Variants in RFX1 observed in about 807,000 individuals in gnomAD.
RFX1 encodes regulatory factor X1.
In RFX1, 42 loss-of-function variants were observed where a neutral mutation model predicts 119.6. The observed-to-expected ratio is 0.35, with a 90% CI of 0.27 to 0.45. The LOEUF (loss-of-function observed/expected upper bound fraction) is 0.45, where lower values mean the gene tolerates loss of function less well. Ranked by LOEUF, RFX1 falls within the 20% of genes least tolerant of loss-of-function variation. The pLI, the probability that RFX1 is intolerant of heterozygous loss-of-function variation, is 1.00. For missense variants in RFX1, 1,118 were observed against 1,368.1 expected, an observed-to-expected ratio of 0.82 and a Z score of 2.88; for synonymous variants, 628 against 618.5, an observed-to-expected ratio of 1.02 and a Z score of -0.23.
chr19:13,991,751 T>TC (rs142839539), intron 2 of RFX1, among the ~76,000 whole-genome samples: 9,480 of 152,086 alleles, frequency 0.062, 1,007 homozygotes, highest in African/African-American at 0.21. Context: ...AACCTCTGCC[T>TC]CCGGGTTCAA....
rs1341718551 is a variant in RFX1 at position 13,962,029 on chromosome 19, C to G, written c.*666G>C. 6.6e-6 allele frequency: 1 copy of G among 152,246 alleles called. No individual in the cohort carries two copies. Among genetic ancestry groups the G allele is most frequent in the Non-Finnish European group, 1.5e-5 (1 of 68,078 alleles). 9.4% of individuals were successfully genotyped at this position (152,246 alleles called of 1,614,324 possible). Reference sequence around the variant, plus strand: ...GTGGGCACTCCCCGGCTCCGCGGCTCGCTGCTCTTTGGAAGCTGGAGGCCG... The same window carrying G: ...GTGGGCACTCCCCGGCTCCGCGGCTGGCTGCTCTTTGGAAGCTGGAGGCCG... On this transcript the variant is annotated 3_prime_UTR_variant, in exon 21 of 21. Coordinates refer to ENST00000254325, the MANE Select transcript of RFX1 (RefSeq NM_002918.5).
At chr19:14,000,507 TCTC>T (rs1203634278) in intron 1 of RFX1, among the ~76,000 whole-genome samples, 1 of 151,748 alleles carries the variant, frequency 6.6e-6, no homozygotes, top group Non-Finnish European at 1.5e-5. Context: ...CTCGCACACA[TCTC>T]CTAATGACTG....
rs756891688 is a variant in RFX1 at position 13,963,159 on chromosome 19, T to C, written c.2687A>G (p.Gln896Arg). ...MYYLIEHRVA[Q>R]AKGETPIAVM... is the part of the protein sequence containing the mutation. ...GGCGATGGGGGTCTCGCCCTTGGCC[T>C]GGGCTACGCGGTGCTCGATCAGGTA... The change falls in exon 19 of 21, where the codon CAG becomes CGG. Residue 896 changes from glutamine (Q) to arginine (R), a missense_variant. Transcript: ENST00000254325. The C allele has an allele frequency of 1.2e-6, 2 of 1,612,470 alleles. No homozygotes were observed. The highest frequency in any genetic ancestry group is 1.1e-5 in the South Asian group (1 of 91,078).
In RFX1 at chr19:13,965,396, G is replaced by A; in HGVS notation, c.2211+53C>T. On this transcript the variant is annotated intron_variant, in intron 16 of 20. Coordinates refer to ENST00000254325, the MANE Select transcript of RFX1 (RefSeq NM_002918.5). This position sits in a 1 kb window ranked among gnomAD's most constrained non-coding sequence, Gnocchi z 4.7. ...TTTACCGCCCCTGGGGAGCAGAGGA[G>A]ACGGAGGCCTAAGCCCCAGAGATAG... 1 of 1,505,638 alleles carries A rather than the reference G, an allele frequency of 6.6e-7. No individual in the cohort carries two copies. Among genetic ancestry groups the A allele is most frequent in the Non-Finnish European group, 9.2e-7 (1 of 1,086,224 alleles). 93.3% of individuals were successfully genotyped at this position (1,505,638 alleles called of 1,614,324 possible). A position where few individuals can be genotyped will look rare whatever the true frequency, so the allele number is the denominator to read the frequency against.
chr19:13,979,469 T>G lies in RFX1; in HGVS notation c.812A>C (p.Gln271Pro). ...CACCTCTTGAGCCACGTGGACTGGC[T>G]GGAGGCCCTGCACGGTCAGCGGCTG... ...PVQPLTVQGL[Q>P]PVHVAQEVQQ... Residue 271 changes from glutamine (Q) to proline (P), a missense_variant, in exon 7 of 21, where the codon CAG becomes CCG. Around this residue, in one of 5 missense-constraint regions of RFX1, gnomAD observed 542 missense variants for 602.7 expected, o/e 0.90. Coordinates refer to ENST00000254325, the MANE Select transcript of RFX1 (RefSeq NM_002918.5). 6.3e-7 allele frequency: 1 copy of G among 1,598,528 alleles called. No homozygotes were observed. The highest frequency in any genetic ancestry group is 8.5e-7 in the Non-Finnish European group (1 of 1,171,548).
chr19:13,974,621 C>T (rs1227609896), intron 8 of RFX1, among the ~76,000 whole-genome samples: 1 of 152,112 alleles, frequency 6.6e-6, no homozygotes. Flanking sequence ...ATGTGGCATG[C>T]GTGTCTGTCA....
At chr19:13,974,703 T>G (rs950264801) in intron 8 of RFX1, among the ~76,000 whole-genome samples, 1 of 152,142 alleles carries the variant, frequency 6.6e-6, no homozygotes, top group Non-Finnish European at 1.5e-5. Context: ...TAAACATCGT[T>G]GGACATAGTT....
At position 13,962,388 on chromosome 19, in the gene RFX1, T is replaced by C. The variant is rs1177182308; in HGVS notation, c.*307A>G. ...CCCTGGGGTGGTGGGAGGACGGGGCTGGGGAGAAGACGCTGGGGCCTGGGA... is the reference window on the plus strand; with the variant it reads ...CCCTGGGGTGGTGGGAGGACGGGGCCGGGGAGAAGACGCTGGGGCCTGGGA... On this transcript the variant is annotated 3_prime_UTR_variant, in exon 21 of 21. Coordinates refer to ENST00000254325, the MANE Select transcript of RFX1 (RefSeq NM_002918.5). 5.3e-6 allele frequency: 2 copies of C among 380,668 alleles called. No homozygotes were observed. The highest frequency in any genetic ancestry group is 9.9e-5 in the East Asian group (2 of 20,152). 23.6% of individuals were successfully genotyped at this position (380,668 alleles called of 1,614,324 possible). A position where few individuals can be genotyped will look rare whatever the true frequency, so the allele number is the denominator to read the frequency against.
intron 1 of RFX1, among the ~76,000 whole-genome samples, chr19:14,002,207 C>T (rs943366056): frequency 1.3e-5 from 2 of 151,250 alleles, no homozygotes; most frequent in Non-Finnish European, 2.9e-5. Flanking sequence ...CCCAGGTACT[C>T]GGATGGCTGA....
intron 1 of RFX1, among the ~76,000 whole-genome samples, chr19:13,996,939 G>A (rs1017148130): frequency 6.6e-6 from 1 of 152,098 alleles, no homozygotes; most frequent in African/African-American, 2.4e-5. Context: ...GGTTGGGCAG[G>A]TCTTGAACTC....
At position 13,986,679 on chromosome 19, in the gene RFX1, G is replaced by A. The variant is rs565544017; in HGVS notation, c.320-3084C>T. On this transcript the variant is annotated intron_variant, in intron 2 of 20. Coordinates refer to ENST00000254325, the MANE Select transcript of RFX1 (RefSeq NM_002918.5). The surrounding 1 kb of genome is among the most constrained non-coding windows in gnomAD (Gnocchi z 4.2). ...GGCCCCCACTGTCTCAGGAAACGGCGGCCGATTTCCTGTCTCTGAATCTGA... is the reference window on the plus strand; with the variant it reads ...GGCCCCCACTGTCTCAGGAAACGGCAGCCGATTTCCTGTCTCTGAATCTGA... Among the ~76,000 whole-genome samples the A allele has an allele frequency of 2.2e-3, 342 of 152,258 alleles. No individual in the cohort carries two copies. Among genetic ancestry groups the A allele is most frequent in the Non-Finnish European group, 4.1e-3 (282 of 68,000 alleles).
rs1483602267 is a variant in RFX1, at chr19:13,963,937, G to A, written c.2282C>T (p.Ala761Val). 9 of 1,545,608 alleles carry A rather than the reference G, an allele frequency of 5.8e-6. No homozygotes were observed. The Admixed American group carries it at 5.9e-5, about 10-fold the overall frequency. The stretch of plus-strand genomic sequence containing the variant: ...TGCGGTGTTCTGCAGCACAGCGCGC[G>A]CCGCCTGCGCCAGGTGGTTGAGCGA... ...YTSLNHLAQAARAVLQNTAQI... is the reference protein window; with the variant it reads ...YTSLNHLAQAVRAVLQNTAQI... The change falls in exon 17 of 21, where the codon GCG (alanine) becomes GTG (valine). Residue 761 changes from alanine to valine, a missense_variant. Around this residue, in one of 5 missense-constraint regions of RFX1, gnomAD observed 338 missense variants for 508.9 expected, o/e 0.66. Transcript: ENST00000254325.
chr19:13,998,378 G>A (rs1357960658), intron 1 of RFX1: 1 of 152,000 alleles, frequency 6.6e-6, no homozygotes, highest in Non-Finnish European at 1.5e-5. Context: ...CACCTATTCG[G>A]GAGGCTGAGG....
In RFX1 at chr19:13,966,543, C is replaced by T. The variant is rs532955147; in HGVS notation, c.1852-13G>A. ...CGTCGACAATGGCCTGTGGCAGAGG[C>T]GGATGCTCAGGGAGGCTGGGGGGCA... is the stretch of plus-strand genomic sequence containing the variant. On this transcript the variant is annotated splice_polypyrimidine_tract_variant and intron_variant, in intron 13 of 20. Coordinates refer to ENST00000254325, the MANE Select transcript of RFX1 (RefSeq NM_002918.5). This position sits in a 1 kb window ranked among gnomAD's most constrained non-coding sequence, Gnocchi z 6.3. 2.6e-5 allele frequency: 41 copies of T among 1,552,230 alleles called. No homozygotes were observed. The African/African-American group carries it at 4.0e-4, about 15-fold the overall frequency.
chr19:14,003,848 G>A (rs1482040065), intron 1 of RFX1, among the ~76,000 whole-genome samples: 3 of 151,952 alleles, frequency 2.0e-5, no homozygotes, highest in Non-Finnish European at 4.4e-5. Context: ...ATCTGTAAAT[G>A]TAACTGGTGA....
intron 1 of RFX1, among the ~76,000 whole-genome samples, chr19:14,000,770 T>C (rs1218587445): frequency 6.6e-6 from 1 of 151,270 alleles, no homozygotes; most frequent in Non-Finnish European, 1.5e-5. Flanking sequence ...CACACTCCAG[T>C]CTGGGCAACA....
chr19:13,968,901 G>C lies in RFX1; in HGVS notation c.1497-7C>G. The C allele has an allele frequency of 1.3e-6, 2 of 1,547,694 alleles. No individual in the cohort carries two copies. Among genetic ancestry groups the C allele is most frequent in the Non-Finnish European group, 1.7e-6 (2 of 1,146,414 alleles). ...GTGGTACTTGGAGTTGCCCCTGGGA[G>C]GGAGGTGGAGGGGAAGGGCTGGGCT... On this transcript the variant is annotated splice_region_variant and splice_polypyrimidine_tract_variant and intron_variant, in intron 10 of 20. Transcript: ENST00000254325. The surrounding 1 kb of genome is among the most constrained non-coding windows in gnomAD (Gnocchi z 5.5).
Position 13,990,778 on chromosome 19 carries a change from C to T in RFX1, c.319+2747G>A, listed in dbSNP as rs368968694. Among the ~76,000 whole-genome samples the T allele has an allele frequency of 9.2e-5, 14 of 151,790 alleles. No homozygotes were observed. The highest frequency in any genetic ancestry group is 3.1e-4 in the African/African-American group (13 of 41,382). ...CTTGCAGTGAGCCGAGATCCTGCCA[C>T]TGCACTCCAGCCTGGGTGTCAGAGC... is the stretch of plus-strand genomic sequence containing the variant. On this transcript the variant is annotated intron_variant, in intron 2 of 20. Coordinates refer to ENST00000254325, the MANE Select transcript of RFX1 (RefSeq NM_002918.5). The surrounding 1 kb of genome is among the most constrained non-coding windows in gnomAD (Gnocchi z 4.1).
intron 1 of RFX1, among the ~76,000 whole-genome samples, chr19:14,000,451 C>T (rs1034369371): frequency 2.0e-5 from 3 of 151,846 alleles, no homozygotes; most frequent in African/African-American, 7.3e-5. Flanking sequence ...TGTGCCACTG[C>T]ATGCATACAA....
Sources: allele counts gnomAD v4.1 joint callset (sites outside exome capture counted in the v4.1 genomes callset), GRCh38; gene constraint gnomAD v4.1.1; regional missense constraint gnomAD v4.1.1; non-coding constraint Gnocchi (gnomAD v3.1); transcripts MANE v1.5; gene names NCBI Gene and HGNC (gene_info 2026-07-23, HGNC 2026-07-21).